TRIM2: variants seen among roughly 807,000 people sequenced by gnomAD.
TRIM2 encodes the protein tripartite motif-containing protein 2.
In TRIM2, 20 loss-of-function variants were observed where a neutral mutation model predicts 75.2. The ratio of observed to expected loss-of-function variants is 0.27; its 90% CI spans 0.19 to 0.39. The LOEUF (loss-of-function observed/expected upper bound fraction) is 0.39, where lower values mean the gene tolerates loss of function less well. Among genes scored for constraint, TRIM2 ranks in the 10% least tolerant of loss-of-function variants. The probability of loss-of-function intolerance (pLI) is 1.00; values close to 1 mark genes in which losing one functional copy is unlikely to be tolerated. For missense variants in TRIM2, 660 were observed against 990.8 expected, an observed-to-expected ratio of 0.67 and a Z score of 4.48; for synonymous variants, 373 against 388.3, an observed-to-expected ratio of 0.96 and a Z score of 0.46.
intron 6 of TRIM2, among the ~76,000 whole-genome samples, chr4:153,315,128 C>T (rs1767306201): frequency 6.6e-6 from 1 of 152,182 alleles, no homozygotes; most frequent in African/African-American, 2.4e-5. Flanking sequence ...TGACAGATAG[C>T]AGTGCCATAG....
chr4:153,318,535 CCT>C (rs1491410358), intron 8 of TRIM2, among the ~76,000 whole-genome samples: 2 of 152,144 alleles, frequency 1.3e-5, no homozygotes, highest in Non-Finnish European at 2.9e-5. Flanking sequence ...ACTTCTTCCC[CCT>C]TTTTTGCATT....
At chr4:153,164,985 G>A (rs1371246549) in intron 1 of TRIM2, among the ~76,000 whole-genome samples, 1 of 151,250 alleles carries the variant, frequency 6.6e-6, no homozygotes, top group African/African-American at 2.4e-5. Flanking sequence ...TGGGTTTATT[G>A]TTAGTCTTCT....
intron 1 of TRIM2, among the ~76,000 whole-genome samples, chr4:153,173,923 C>T (rs1731140284): frequency 6.6e-6 from 1 of 152,020 alleles, no homozygotes; most frequent in Non-Finnish European, 1.5e-5. Flanking sequence ...CAAGATCGTG[C>T]CACTGCAGTC....
intron 1 of TRIM2, among the ~76,000 whole-genome samples, chr4:153,176,691 A>G (rs577680523): frequency 6.7e-4 from 102 of 151,854 alleles, no homozygotes; most frequent in African/African-American, 2.3e-3. Flanking sequence ...GCTCACCACA[A>G]CCTCCACCTC....
chr4:153,281,983 G>A (rs745746891), intron 3 of TRIM2, among the ~76,000 whole-genome samples: 1 of 152,208 alleles, frequency 6.6e-6, no homozygotes, highest in Non-Finnish European at 1.5e-5. Context: ...AGGATCAACT[G>A]TCAGTGCCCT....
At chr4:153,206,074 G>C (rs1191001283) in intron 1 of TRIM2, among the ~76,000 whole-genome samples, 1 of 152,184 alleles carries the variant, frequency 6.6e-6, no homozygotes, top group African/African-American at 2.4e-5. Context: ...CCCACCGCAG[G>C]CCTCACAAAT....
At chr4:153,282,969 G>T (rs2150091703) in intron 3 of TRIM2, among the ~76,000 whole-genome samples, 1 of 151,074 alleles carries the variant, frequency 6.6e-6, no homozygotes, top group Admixed American at 6.6e-5. Flanking sequence ...TTTTTTAAGA[G>T]ATAGGTTTTG....
At chr4:153,284,877 C>T (rs1216754086) in intron 3 of TRIM2, among the ~76,000 whole-genome samples, 1 of 152,038 alleles carries the variant, frequency 6.6e-6, no homozygotes, top group Non-Finnish European at 1.5e-5. Flanking sequence ...CATATTTTCT[C>T]CCATTTTGTG....
intron 8 of TRIM2, among the ~76,000 whole-genome samples, chr4:153,322,372 C>T (rs979640544): frequency 7.9e-5 from 12 of 152,122 alleles, no homozygotes; most frequent in Admixed American, 3.3e-4. Context: ...GATTGCACCA[C>T]TGCACTCCAG....
chr4:153,279,864 AC>A (rs1356156674), intron 3 of TRIM2, among the ~76,000 whole-genome samples: 1 of 151,716 alleles, frequency 6.6e-6, no homozygotes, highest in Non-Finnish European at 1.5e-5. Flanking sequence ...AATTATTTGA[AC>A]CTGGGAAGCA....
At chr4:153,268,905 A>G (rs1755949920) in intron 1 of TRIM2, among the ~76,000 whole-genome samples, 1 of 152,228 alleles carries the variant, frequency 6.6e-6, no homozygotes, top group Admixed American at 6.5e-5. Context: ...TTTAAATTAT[A>G]GGGAATACCT....
At chr4:153,175,387 C>T (rs1731320733) in intron 1 of TRIM2, among the ~76,000 whole-genome samples, 1 of 152,074 alleles carries the variant, frequency 6.6e-6, no homozygotes, top group African/African-American at 2.4e-5. Context: ...ATGTGCACAG[C>T]CGGATATTCC....
chr4:153,221,562 T>C (rs1041882938), intron 1 of TRIM2, among the ~76,000 whole-genome samples: 3 of 152,118 alleles, frequency 2.0e-5, no homozygotes, highest in Non-Finnish European at 4.4e-5. Flanking sequence ...TTGTAGGTCG[T>C]CCCTCCCCAC....
chr4:153,293,707 A>G (rs958737117), intron 4 of TRIM2, among the ~76,000 whole-genome samples: 3 of 152,264 alleles, frequency 2.0e-5, no homozygotes, highest in Non-Finnish European at 4.4e-5. Flanking sequence ...CTCCACTGAT[A>G]GCTGTAGTGA....
At chr4:153,326,748 AG>A (rs1164910742) in intron 10 of TRIM2, among the ~76,000 whole-genome samples, 1 of 152,250 alleles carries the variant, frequency 6.6e-6, no homozygotes, top group Non-Finnish European at 1.5e-5. Context: ...TGGGACGCCA[AG>A]GCGGACAGCT....
intron 3 of TRIM2, among the ~76,000 whole-genome samples, chr4:153,290,086 T>G (rs1257254605): frequency 6.6e-6 from 1 of 152,226 alleles, no homozygotes; most frequent in Non-Finnish European, 1.5e-5. Flanking sequence ...GTAAACCACC[T>G]CTGGCTGAAG....
Position 153,217,629 on chromosome 4 carries a change from A to T in TRIM2, c.30+13069A>T, listed in dbSNP as rs372786763. Among the ~76,000 whole-genome samples the T allele has an allele frequency of 4.6e-5, 7 of 152,346 alleles. No homozygotes were observed. The East Asian group carries it at 7.7e-4, about 17-fold the overall frequency. On this transcript the variant is annotated intron_variant, in intron 1 of 11. Transcript: ENST00000338700. ...TCTCAGTAATTCTCACACCACCAAG[A>T]TGTCCTTCCAGTGTTGCAACAAATC...
intron 1 of TRIM2, among the ~76,000 whole-genome samples, chr4:153,267,393 C>G (rs1227207133): frequency 6.6e-6 from 1 of 152,214 alleles, no homozygotes; most frequent in Non-Finnish European, 1.5e-5. Context: ...CCCCTCATGC[C>G]TGTAATCCCA....
intron 1 of TRIM2, among the ~76,000 whole-genome samples, chr4:153,263,111 A>T (rs1373204088): frequency 6.6e-6 from 1 of 152,164 alleles, no homozygotes; most frequent in Non-Finnish European, 1.5e-5. Context: ...CGAGAGGATC[A>T]CTTGAGCCCA....
Sources: allele counts gnomAD v4.1 joint callset (sites outside exome capture counted in the v4.1 genomes callset), GRCh38; gene constraint gnomAD v4.1.1; transcripts MANE v1.5; gene names NCBI Gene and HGNC (gene_info 2026-07-23, HGNC 2026-07-21).